STRN3: variants seen among roughly 807,000 people sequenced by gnomAD.
The protein encoded by STRN3 is striatin-3.
In STRN3, 29 loss-of-function variants were observed where a neutral mutation model predicts 95.6. That is an observed-to-expected ratio of 0.30 (90% CI 0.23 to 0.41). The LOEUF (loss-of-function observed/expected upper bound fraction) is 0.41. Among genes scored for constraint, STRN3 ranks in the 10% least tolerant of loss-of-function variants. STRN3 has a pLI of 1.00. For synonymous variants in STRN3, 331 were observed against 357.6 expected (o/e 0.93, Z 0.84); for missense variants, 890 against 972.1 (o/e 0.92, Z 1.12).
intron 1 of STRN3, among the ~76,000 whole-genome samples, chr14:30,977,040 C>G (rs568132727): frequency 6.6e-6 from 1 of 151,808 alleles, no homozygotes; most frequent in Non-Finnish European, 1.5e-5. Context: ...GCCTGGCCAA[C>G]ATGGTGAAAC....
intron 1 of STRN3, among the ~76,000 whole-genome samples, chr14:31,012,919 GCTCT>G (rs1310226652): frequency 4.0e-5 from 6 of 151,592 alleles, no homozygotes; most frequent in Admixed American, 4.0e-4. Context: ...AAGTAAGGAT[GCTCT>G]CTATTAGCAG....
In STRN3 at chr14:31,026,299, G is replaced by A. The variant is rs539522125; in HGVS notation, c.-114C>T. On this transcript the variant is annotated 5_prime_UTR_variant, in exon 1 of 18. Coordinates refer to ENST00000357479, the MANE Select transcript of STRN3 (RefSeq NM_001083893.2). ...CGGAGGCCGGCCGGGAGAGGGGCGG[G>A]GAAGGGGTCGTTGCTGTGTGCCTGC... is the stretch of plus-strand genomic sequence containing the variant. 107 of 1,173,970 alleles carry A rather than the reference G, an allele frequency of 9.1e-5. No homozygotes were observed. The East Asian group carries it at 1.6e-3, about 17-fold the overall frequency. 72.7% of individuals were successfully genotyped at this position (1,173,970 alleles called of 1,614,324 possible).
intron 1 of STRN3, among the ~76,000 whole-genome samples, chr14:30,975,586 G>GA (rs1555323070): frequency 6.9e-6 from 1 of 144,666 alleles, no homozygotes; most frequent in African/African-American, 2.6e-5. Context: ...ACGAAAGAAA[G>GA]AAAGAAAAGA....
intron 13 of STRN3, among the ~76,000 whole-genome samples, chr14:30,907,316 A>G (rs374624540): frequency 2.6e-5 from 4 of 151,952 alleles, no homozygotes; most frequent in African/African-American, 9.7e-5. Flanking sequence ...CTTGAGATAC[A>G]GATATAATTT....
At chr14:31,006,075 C>T (rs1424281583) in intron 1 of STRN3, among the ~76,000 whole-genome samples, 3 of 147,052 alleles carry the variant, frequency 2.0e-5, no homozygotes, top group South Asian at 2.2e-4. Flanking sequence ...GCCGAGATCG[C>T]GCCACTGCAC....
At chr14:30,921,065 T>TACACACAC (rs1374593800) in intron 8 of STRN3, among the ~76,000 whole-genome samples, 979 of 89,174 alleles carry the variant, frequency 0.011, 5 homozygotes, top group African/African-American at 0.034. Context: ...TTTCTACACA[T>TACACACAC]ACATATACAC....
intron 5 of STRN3, among the ~76,000 whole-genome samples, chr14:30,944,552 CGT>C (rs1491178062): frequency 2.3e-3 from 145 of 64,032 alleles, no homozygotes; most frequent in African/African-American, 9.4e-3. Context: ...TATATATACA[CGT>C]ATATATATAT....
chr14:31,018,646 G>A lies in STRN3; in HGVS notation c.282+7258C>T, dbSNP rs544447112. 115 of 474,966 alleles carry A rather than the reference G, an allele frequency of 2.4e-4. 2 individuals are homozygous for A. The highest frequency in any genetic ancestry group is 1.3e-3 in the South Asian group (80 of 62,240). The allele number at this position is 474,966 out of a possible 1,614,324, so 29.4% of individuals were successfully genotyped here. A position where few individuals can be genotyped will look rare whatever the true frequency, so the allele number is the denominator to read the frequency against. On this transcript the variant is annotated intron_variant, in intron 1 of 17. Transcript: ENST00000357479. Reference sequence around the variant, plus strand: ...TCAAAGAAGAGTGCAAGAACTTTGCGGACAAAACTGGCCAGTTTCAGAAAA... The same window carrying A: ...TCAAAGAAGAGTGCAAGAACTTTGCAGACAAAACTGGCCAGTTTCAGAAAA...
At chr14:31,001,977 C>A (rs1170230427) in intron 1 of STRN3, among the ~76,000 whole-genome samples, 1 of 149,556 alleles carries the variant, frequency 6.7e-6, no homozygotes, top group Non-Finnish European at 1.5e-5. Flanking sequence ...CCAGCCTGAC[C>A]AACATGGAGA....
chr14:30,991,297 T>C (rs1446996216), intron 1 of STRN3, among the ~76,000 whole-genome samples: 1 of 152,208 alleles, frequency 6.6e-6, no homozygotes, highest in Non-Finnish European at 1.5e-5. Context: ...CTTCAACCTA[T>C]GAGAAACACA....
chr14:30,902,633 A>G lies in STRN3; in HGVS notation c.2040T>C (p.Ser680=). ...LSSQVDSGLQ[S]NNHINRVVSH... Reference sequence around the variant, plus strand: ...TTACTACTCTGTTGATATGATTATTAGATTGTAAACCTGAAAAATAAAGGA... The same window carrying G: ...TTACTACTCTGTTGATATGATTATTGGATTGTAAACCTGAAAAATAAAGGA... The change falls in exon 16 of 18, where the codon TCT becomes TCC. Residue 680 remains serine, a synonymous_variant. Coordinates refer to ENST00000357479, the MANE Select transcript of STRN3 (RefSeq NM_001083893.2). 2 of 1,588,772 alleles carry G rather than the reference A, an allele frequency of 1.3e-6. No homozygotes were observed. Among genetic ancestry groups the G allele is most frequent in the Non-Finnish European group, 1.7e-6 (2 of 1,167,264 alleles).
rs1466250789 is a variant in STRN3, at chr14:30,977,824, A to G, written c.283-21582T>C. On this transcript the variant is annotated intron_variant, in intron 1 of 17. Transcript: ENST00000357479. ...AAAAAAAAAAAAAAAAAAACATGAA[A>G]GAAGGGTCCTCATTATTGAACCCAT... is the stretch of plus-strand genomic sequence containing the variant. 2.0e-5 allele frequency among the ~76,000 whole-genome samples: 3 copies of G among 151,036 alleles called. No individual in the cohort carries two copies. In the South Asian group the frequency reaches 6.3e-4, roughly 32 times the overall value.
intron 1 of STRN3, among the ~76,000 whole-genome samples, chr14:30,959,360 C>A (rs533558050): frequency 3.3e-5 from 5 of 152,022 alleles, no homozygotes; most frequent in Non-Finnish European, 7.4e-5. Context: ...ACCACCACCA[C>A]CAACATATGG....
chr14:30,927,727 G>GACC (rs2139043747), intron 8 of STRN3, among the ~76,000 whole-genome samples: 1 of 151,572 alleles, frequency 6.6e-6, no homozygotes, highest in African/African-American at 2.4e-5. Flanking sequence ...AGGAGATTGA[G>GACC]ACCATCCTGG....
chr14:30,922,709 G>T (rs1896915218), intron 8 of STRN3, among the ~76,000 whole-genome samples: 4 of 152,212 alleles, frequency 2.6e-5, no homozygotes, highest in Admixed American at 2.6e-4. Context: ...ATGTTTGCTA[G>T]ATCTGTTCTA....
At chr14:31,013,532 A>C (rs1472185296) in intron 1 of STRN3, among the ~76,000 whole-genome samples, 1 of 152,138 alleles carries the variant, frequency 6.6e-6, no homozygotes, top group Non-Finnish European at 1.5e-5. Flanking sequence ...CTAACTTGGC[A>C]GTGGGGGGTG....
In STRN3 at chr14:30,894,715, G is replaced by C; in HGVS notation, c.*696C>G. 1 of 178,860 alleles carries C rather than the reference G, an allele frequency of 5.6e-6. No individual in the cohort carries two copies. Among genetic ancestry groups the C allele is most frequent in the Non-Finnish European group, 1.2e-5 (1 of 85,162 alleles). 11.1% of individuals were successfully genotyped at this position (178,860 alleles called of 1,614,324 possible). A position where few individuals can be genotyped will look rare whatever the true frequency, so the allele number is the denominator to read the frequency against. On this transcript the variant is annotated 3_prime_UTR_variant, in exon 18 of 18. Transcript: ENST00000357479. ...AAAAGAAGGAAAGAAAGTGGTTACA[G>C]GGCAACGGGTCAGTGAGATCTCTGT...
At chr14:30,986,127 A>G (rs1218101692) in intron 1 of STRN3, among the ~76,000 whole-genome samples, 1 of 152,182 alleles carries the variant, frequency 6.6e-6, no homozygotes, top group Admixed American at 6.6e-5. Flanking sequence ...TGAAGGTATA[A>G]AAGTTCCCTC....
intron 12 of STRN3, 39 bp from the exon 13 acceptor site, chr14:30,911,201 T>G: frequency 6.3e-7 from 1 of 1,577,382 alleles, no homozygotes; most frequent in South Asian, 1.2e-5. Context: ...TACTGATAAA[T>G]TCTAAGAAGA....
Sources: gnomAD v4.1 joint callset for allele counts (sites outside exome capture counted in the v4.1 genomes callset) on GRCh38, gnomAD v4.1.1 for gene constraint, MANE v1.5 for transcripts, NCBI Gene and HGNC (gene_info 2026-07-23, HGNC 2026-07-21) for gene names.